Variants in MCM9 observed in about 807,000 individuals in gnomAD.
The protein encoded by MCM9 is minichromosome maintenance 9 homologous recombination repair factor, also known as DNA helicase MCM9.
MCM9 carries 55 observed loss-of-function variants against 72.8 expected under a neutral mutation model. That is an observed-to-expected ratio of 0.76 (90% CI 0.61 to 0.95). The LOEUF is 0.95. Ranked by LOEUF, MCM9 falls within the 40% of genes least tolerant of loss-of-function variation. The pLI is 0.00. For synonymous variants in MCM9, 480 were observed against 503.4 expected (o/e 0.95, Z 0.62); for missense variants, 1,279 against 1,377.0 (o/e 0.93, Z 1.13).
At chr6:118,885,435 C>G (rs550079931) in intron 8 of MCM9, among the ~76,000 whole-genome samples, 85 of 151,586 alleles carry the variant, frequency 5.6e-4, no homozygotes, top group Non-Finnish European at 9.1e-4. Context: ...GTTAGGGTGA[C>G]CAAACAAAAA....
chr6:118,827,928 T>C lies in MCM9; in HGVS notation c.1731A>G (p.Glu577=). The stretch of plus-strand genomic sequence containing the variant: ...CATCATTCGCTGAATGAAATAGACC[T>C]TCTGCTAATCGTATCAAGCTTTCCA... ...RLLESLIRLA[E]AHARLMFRDT... Residue 577 remains glutamate (E), a splice_region_variant and synonymous_variant, in exon 11 of 14, where the codon GAA becomes GAG. Coordinates refer to ENST00000619706, the MANE Select transcript of MCM9 (RefSeq NM_017696.3). The C allele has an allele frequency of 6.4e-7, 1 of 1,550,818 alleles. No homozygotes were observed. Among genetic ancestry groups the C allele is most frequent in the South Asian group, 1.2e-5 (1 of 84,064 alleles).
chr6:118,815,814 A>AT lies in MCM9; in HGVS notation c.2441dup (p.Asn814LysfsTer5), dbSNP rs1773378256. On this transcript the variant is annotated frameshift_variant, in exon 14 of 14. Coordinates refer to ENST00000619706, the MANE Select transcript of MCM9 (RefSeq NM_017696.3). LOFTEE classifies it low-confidence loss of function (END_TRUNC). ...GCCTTTTTTTCTTGTTACTTTCCAC[A>AT]TTGTCTGCCCTCCATGGAACACCTG... 2 of 1,538,982 alleles carry AT rather than the reference A, an allele frequency of 1.3e-6. No homozygotes were observed. Among genetic ancestry groups the AT allele is most frequent in the Admixed American group, 2.0e-5 (1 of 50,978 alleles).
In MCM9 at chr6:118,867,605, TGCCTATA is replaced by T. The variant is rs1777298100; in HGVS notation, c.1151-11067_1151-11061del. On this transcript the variant is annotated intron_variant, in intron 8 of 13. Coordinates refer to ENST00000619706, the MANE Select transcript of MCM9 (RefSeq NM_017696.3). The stretch of plus-strand genomic sequence containing the variant: ...AATTACTTATCATTGTGTCACAAAC[TGCCTATA>T]GTATTCCATACAGTAACATGCTGTA... Among the ~76,000 whole-genome samples the T allele has an allele frequency of 3.3e-5, 5 of 152,308 alleles. No homozygotes were observed. The South Asian group carries it at 1.0e-3, about 32-fold the overall frequency.
At chr6:118,924,258 G>A in intron 3 of MCM9, 131 bp from the exon 4 acceptor site, 1 of 776,842 alleles carries the variant, frequency 1.3e-6, no homozygotes, top group Non-Finnish European at 2.1e-6. Flanking sequence ...GTTTTACTAA[G>A]AAAAAATCAG....
At chr6:118,842,842 GT>G in intron 9 of MCM9, among the ~76,000 whole-genome samples, 1 of 152,088 alleles carries the variant, frequency 6.6e-6, no homozygotes, top group Middle Eastern at 3.4e-3. Flanking sequence ...AAAAACTCAC[GT>G]TGCATCATTT....
At chr6:118,843,805 G>C (rs933825576) in intron 9 of MCM9, among the ~76,000 whole-genome samples, 2 of 148,990 alleles carry the variant, frequency 1.3e-5, no homozygotes, top group African/African-American at 5.0e-5. Context: ...GCATTAAAGG[G>C]AAATGATAAT....
At chr6:118,863,189 T>A (rs1777007455) in intron 8 of MCM9, among the ~76,000 whole-genome samples, 2 of 152,194 alleles carry the variant, frequency 1.3e-5, no homozygotes, top group Non-Finnish European at 2.9e-5. Flanking sequence ...ATATACATGT[T>A]TAATTATGCT....
intron 9 of MCM9, among the ~76,000 whole-genome samples, chr6:118,850,341 G>A (rs1776141053): frequency 6.6e-6 from 1 of 151,720 alleles, no homozygotes; most frequent in South Asian, 2.1e-4. Flanking sequence ...GAAATACAGA[G>A]AATCCTATAA....
chr6:118,926,447 C>T (rs1227387010), intron 3 of MCM9, among the ~76,000 whole-genome samples: 3 of 152,152 alleles, frequency 2.0e-5, no homozygotes, highest in Non-Finnish European at 2.9e-5. Flanking sequence ...TATGGGTGCT[C>T]AAAGTATAAT....
In MCM9 at chr6:118,913,382, A is replaced by C; in HGVS notation, c.943T>G (p.Phe315Val). 6.2e-7 allele frequency: 1 copy of C among 1,614,068 alleles called. No individual in the cohort carries two copies. Among genetic ancestry groups the C allele is most frequent in the Non-Finnish European group, 8.5e-7 (1 of 1,179,972 alleles). The change falls in exon 7 of 14, where the codon TTT becomes GTT. Residue 315 changes from phenylalanine (F) to valine (V), a missense_variant. Physicochemically the swap from Phe to Val is conservative, Grantham distance 50. Coordinates refer to ENST00000619706, the MANE Select transcript of MCM9 (RefSeq NM_017696.3). The stretch of plus-strand genomic sequence containing the variant: ...GCAAGCTTTACTAGATACATTCCAA[A>C]CACTTGAGGGCACAAGCTAGCCAAT... ...VILASLCPQV[F>V]GMYLVKLAVA...
chr6:118,816,336 G>T, intron 13 of MCM9, 42 bp from the exon 14 acceptor site: 1 of 1,450,542 alleles, frequency 6.9e-7, no homozygotes, highest in South Asian at 1.5e-5. Context: ...TTGAAGGGAA[G>T]AGAATTTGTG....
Position 118,913,346 on chromosome 6 carries a change from C to A in MCM9, c.979G>T (p.Val327Leu). The A allele has an allele frequency of 5.0e-6, 8 of 1,614,116 alleles. No individual in the cohort carries two copies. The highest frequency in any genetic ancestry group is 6.8e-6 in the Non-Finnish European group (8 of 1,180,006). Residue 327 changes from valine (V) to leucine (L), a missense_variant, in exon 7 of 14, where the codon GTG (valine) becomes TTG (leucine). Coordinates refer to ENST00000619706, the MANE Select transcript of MCM9 (RefSeq NM_017696.3). The part of the protein sequence containing the change: ...MYLVKLAVAM[V>L]LAGGIQRTDA... ...GTCCTTTGAATCCCACCAGCCAGCA[C>A]CATGGCCACAGCAAGCTTTACTAGA...
chr6:118,863,389 A>G (rs1368260499), intron 8 of MCM9, among the ~76,000 whole-genome samples: 1 of 152,238 alleles, frequency 6.6e-6, no homozygotes, highest in Non-Finnish European at 1.5e-5. Flanking sequence ...AAAAAGGCAT[A>G]TAATTGATAT....
chr6:118,878,747 A>T (rs1184327398), intron 8 of MCM9, among the ~76,000 whole-genome samples: 1 of 151,966 alleles, frequency 6.6e-6, no homozygotes, highest in African/African-American at 2.4e-5. Context: ...ATTAGAAAAT[A>T]TATATTTAAT....
At chr6:118,848,121 C>T (rs2114650865) in intron 9 of MCM9, among the ~76,000 whole-genome samples, 1 of 151,930 alleles carries the variant, frequency 6.6e-6, no homozygotes, top group African/African-American at 2.4e-5. Flanking sequence ...AATGGTGAAG[C>T]ACTTCATTTT....
chr6:118,818,982 C>T (rs1229623016), intron 13 of MCM9, among the ~76,000 whole-genome samples: 1 of 152,188 alleles, frequency 6.6e-6, no homozygotes, highest in Non-Finnish European at 1.5e-5. Flanking sequence ...TATCTTGAAA[C>T]TTTGCTGAAG....
intron 9 of MCM9, among the ~76,000 whole-genome samples, chr6:118,840,774 G>A (rs36148048): frequency 0.18 from 21,257 of 115,012 alleles, 1,758 homozygotes; most frequent in Middle Eastern, 0.32. Flanking sequence ...GTCTTGCTCT[G>A]TCACCCAGGC....
At chr6:118,858,805 T>C (rs992565290) in intron 8 of MCM9, among the ~76,000 whole-genome samples, 5 of 152,152 alleles carry the variant, frequency 3.3e-5, no homozygotes, top group Admixed American at 3.3e-4. Context: ...ATATTCAAGA[T>C]GTCAATTCTT....
intron 8 of MCM9, among the ~76,000 whole-genome samples, chr6:118,904,901 G>C (rs557364918): frequency 6.6e-6 from 1 of 152,186 alleles, no homozygotes; most frequent in African/African-American, 2.4e-5. Flanking sequence ...GCAGTAGTGC[G>C]ATCTCAGCTC....
Sources: allele counts gnomAD v4.1 joint callset (sites outside exome capture counted in the v4.1 genomes callset), GRCh38; gene constraint gnomAD v4.1.1; transcripts MANE v1.5; gene names NCBI Gene and HGNC (gene_info 2026-07-23, HGNC 2026-07-21).